Variants in PRICKLE1 observed in about 807,000 individuals in gnomAD.
The protein encoded by PRICKLE1 is prickle-like protein 1.
In PRICKLE1, 14 loss-of-function variants were observed where a neutral mutation model predicts 70.2. The ratio of observed to expected loss-of-function variants is 0.20; its 90% CI spans 0.13 to 0.31. PRICKLE1 has a LOEUF of 0.31. PRICKLE1 is among the 10% of genes least tolerant of loss of function. PRICKLE1 has a pLI of 1.00. For missense variants in PRICKLE1, 821 were observed against 1,026.2 expected, an observed-to-expected ratio of 0.80 and a Z score of 2.73; for synonymous variants, 357 against 379.9, an observed-to-expected ratio of 0.94 and a Z score of 0.70.
chr12:42,512,139 G>GT (rs1566108027), intron 1 of PRICKLE1, among the ~76,000 whole-genome samples: 1 of 151,912 alleles, frequency 6.6e-6, no homozygotes, highest in Non-Finnish European at 1.5e-5. Flanking sequence ...AAAAGATAGG[G>GT]TTCAGACAAA....
intron 1 of PRICKLE1, among the ~76,000 whole-genome samples, chr12:42,567,565 C>T (rs1338707460): frequency 4.6e-5 from 7 of 152,140 alleles, no homozygotes; most frequent in African/African-American, 1.2e-4. Flanking sequence ...CGGTGGCTCA[C>T]GCCAGTAATC....
At chr12:42,463,320 G>GA (rs1181916482) in intron 7 of PRICKLE1, among the ~76,000 whole-genome samples, 1 of 150,970 alleles carries the variant, frequency 6.6e-6, no homozygotes, top group Non-Finnish European at 1.5e-5. Context: ...AAAAAACTAG[G>GA]AAAAAAAAGA....
intron 1 of PRICKLE1, among the ~76,000 whole-genome samples, chr12:42,548,847 G>A (rs867375402): frequency 1.6e-4 from 25 of 152,154 alleles, no homozygotes; most frequent in Admixed American, 1.4e-3. Flanking sequence ...GAGGCCGGGC[G>A]CGGTGGCTCA....
At chr12:42,481,687 T>C (rs1467121736) in intron 1 of PRICKLE1, among the ~76,000 whole-genome samples, 1 of 152,228 alleles carries the variant, frequency 6.6e-6, no homozygotes, top group Non-Finnish European at 1.5e-5. Context: ...TAAATTTAAC[T>C]ACAGACTAAT....
intron 1 of PRICKLE1, among the ~76,000 whole-genome samples, chr12:42,555,778 A>T (rs1228437299): frequency 6.6e-6 from 1 of 152,156 alleles, no homozygotes; most frequent in Admixed American, 6.5e-5. Flanking sequence ...ATCCCCCTAG[A>T]ATCCTTCTAG....
intron 1 of PRICKLE1, among the ~76,000 whole-genome samples, chr12:42,548,761 C>T (rs1254505574): frequency 3.9e-5 from 6 of 152,108 alleles, no homozygotes; most frequent in African/African-American, 1.4e-4. Flanking sequence ...CCATCCCTCA[C>T]CTCCAATTGA....
intron 1 of PRICKLE1, among the ~76,000 whole-genome samples, chr12:42,512,714 G>C (rs1939536876): frequency 6.6e-6 from 1 of 151,602 alleles, no homozygotes; most frequent in African/African-American, 2.4e-5. Context: ...CTGGAGTGCA[G>C]TGGTGTGATC....
Position 42,514,887 on chromosome 12 carries a change from C to CTCTATCTATCTATCA in PRICKLE1, c.-48-42324_-48-42323insTGATAGATAGATAGA, listed in dbSNP as rs753352201. ...CTACTCTAACTTTTTTTAAGGCTCG[C>CTCTATCTATCTATCA]TCTATCTATCTATCTATCTATCTAT... On this transcript the variant is annotated intron_variant, in intron 1 of 7. Transcript: ENST00000345127. Among the ~76,000 whole-genome samples the CTCTATCTATCTATCA allele has an allele frequency of 6.5e-3, 913 of 139,788 alleles. 4 individuals carry two copies. The highest frequency in any genetic ancestry group is 8.8e-3 in the African/African-American group (321 of 36,366). The allele number at this position is 139,788 out of a possible 152,430, so 91.7% of individuals were successfully genotyped here. A position where few individuals can be genotyped will look rare whatever the true frequency, so the allele number is the denominator to read the frequency against.
chr12:42,578,458 T>C (rs1435832684), intron 1 of PRICKLE1, among the ~76,000 whole-genome samples: 1 of 152,158 alleles, frequency 6.6e-6, no homozygotes, highest in Non-Finnish European at 1.5e-5. Context: ...GTTGCACATA[T>C]TCAATCTTCT....
chr12:42,541,248 T>C (rs1339808482), intron 1 of PRICKLE1, among the ~76,000 whole-genome samples: 2 of 152,154 alleles, frequency 1.3e-5, no homozygotes, highest in East Asian at 3.8e-4. Flanking sequence ...AGGAAAAAAT[T>C]ACTCAGATCA....
chr12:42,584,900 G>A (rs115179395), intron 1 of PRICKLE1, among the ~76,000 whole-genome samples: 170 of 152,276 alleles, frequency 1.1e-3, no homozygotes, highest in African/African-American at 4.0e-3. Context: ...GAGACCCAAT[G>A]AGAAAAGGAC....
chr12:42,531,055 T>C, intron 1 of PRICKLE1, among the ~76,000 whole-genome samples: 1 of 147,316 alleles, frequency 6.8e-6, no homozygotes, highest in Non-Finnish European at 1.5e-5. Context: ...TTTTTTTTTT[T>C]TTTTTTTTTT....
chr12:42,458,131 C>G lies in PRICKLE1; in HGVS notation c.*1678G>C, dbSNP rs1486139811. 2.0e-5 allele frequency: 3 copies of G among 152,318 alleles called. No homozygotes were observed. The East Asian group carries it at 5.8e-4, about 29-fold the overall frequency. The allele number at this position is 152,318 out of a possible 1,614,324, so 9.4% of individuals were successfully genotyped here. On this transcript the variant is annotated 3_prime_UTR_variant, in exon 8 of 8. Coordinates refer to ENST00000345127, the MANE Select transcript of PRICKLE1 (RefSeq NM_153026.3). ...GCTGGTTTACCCATTGGACTTGTGTCTGTCCTCCCTAAGGCCAAATTTTCC... is the reference window on the plus strand; with the variant it reads ...GCTGGTTTACCCATTGGACTTGTGTGTGTCCTCCCTAAGGCCAAATTTTCC...
At chr12:42,571,073 C>CA (rs1051424160) in intron 1 of PRICKLE1, among the ~76,000 whole-genome samples, 6 of 152,038 alleles carry the variant, frequency 3.9e-5, no homozygotes, top group Non-Finnish European at 8.8e-5. Flanking sequence ...TTAACACATA[C>CA]AAAACGTTTA....
chr12:42,489,064 C>T (rs1939042308), intron 1 of PRICKLE1, among the ~76,000 whole-genome samples: 1 of 151,800 alleles, frequency 6.6e-6, no homozygotes, highest in African/African-American at 2.4e-5. Flanking sequence ...GCTGGGATTA[C>T]AGGCATGCGC....
intron 1 of PRICKLE1, among the ~76,000 whole-genome samples, chr12:42,577,580 A>G (rs1190560584): frequency 6.6e-6 from 1 of 152,212 alleles, no homozygotes; most frequent in East Asian, 1.9e-4. Context: ...TTTATTATCT[A>G]TCCCCCTGAA....
chr12:42,555,073 AG>A (rs1940392035), intron 1 of PRICKLE1, among the ~76,000 whole-genome samples: 1 of 151,888 alleles, frequency 6.6e-6, no homozygotes, highest in South Asian at 2.1e-4. Flanking sequence ...GAGGCCGAGG[AG>A]GGTGGATCAC....
Position 42,522,755 on chromosome 12 carries a change from T to C in PRICKLE1, c.-48-50191A>G, listed in dbSNP as rs528705054. On this transcript the variant is annotated intron_variant, in intron 1 of 7. Transcript: ENST00000345127. ...AAGTTTTGTTTTTTCCATTAGCAAA[T>C]AGAATCTTTTTTAAAGCGGAAAATT... is the stretch of plus-strand genomic sequence containing the variant. Among the ~76,000 whole-genome samples, 17 of 152,294 alleles carry C rather than the reference T, an allele frequency of 1.1e-4. No homozygotes were observed. In the South Asian group the frequency reaches 1.5e-3, roughly 13 times the overall value.
chr12:42,517,055 G>T, intron 1 of PRICKLE1, among the ~76,000 whole-genome samples: 1 of 152,096 alleles, frequency 6.6e-6, no homozygotes. Flanking sequence ...GAGCCTTTTG[G>T]AAGTTCTAGG....
Sources: gnomAD v4.1 joint callset for allele counts (sites outside exome capture counted in the v4.1 genomes callset) on GRCh38, gnomAD v4.1.1 for gene constraint, MANE v1.5 for transcripts, NCBI Gene and HGNC (gene_info 2026-07-23, HGNC 2026-07-21) for gene names.